Variants in FERMT1 observed in about 807,000 individuals in gnomAD.
FERMT1 encodes the protein FERM domain containing kindlin 1, also known as fermitin family homolog 1.
In FERMT1, 60 loss-of-function variants were observed where a neutral mutation model predicts 85.3. That is an observed-to-expected ratio of 0.70 (90% confidence interval 0.57 to 0.87). FERMT1 has a LOEUF of 0.87. Ranked by LOEUF, FERMT1 falls within the 40% of genes least tolerant of loss-of-function variation. The pLI, the probability that FERMT1 is intolerant of heterozygous loss-of-function variation, is 0.00. For missense variants in FERMT1, 701 were observed against 818.9 expected, an observed-to-expected ratio of 0.86 and a Z score of 1.76; for synonymous variants, 275 against 301.1, an observed-to-expected ratio of 0.91 and a Z score of 0.90.
chr20:6,087,274 C>T (rs776992406), intron 11 of FERMT1, among the ~76,000 whole-genome samples: 2 of 152,186 alleles, frequency 1.3e-5, no homozygotes, highest in South Asian at 4.1e-4. Context: ...AATCCCCAGC[C>T]TACCTTTCAG....
chr20:6,086,929 C>A (rs1000234913), intron 11 of FERMT1, among the ~76,000 whole-genome samples: 9 of 152,070 alleles, frequency 5.9e-5, no homozygotes, highest in Non-Finnish European at 1.2e-4. Context: ...GACTAATACA[C>A]CCCCCACCAC....
At chr20:6,081,561 T>C (rs1252972856) in intron 13 of FERMT1, among the ~76,000 whole-genome samples, 1 of 151,974 alleles carries the variant, frequency 6.6e-6, no homozygotes, top group Non-Finnish European at 1.5e-5. Context: ...TGACAGAAAG[T>C]AGCAGGGGCA....
intron 14 of FERMT1, 101 bp downstream of exon 14, chr20:6,079,335 G>A (rs1260686249): frequency 7.2e-6 from 9 of 1,256,924 alleles, no homozygotes; most frequent in Non-Finnish European, 1.0e-5. Flanking sequence ...GGTTTCTTAG[G>A]TCTAAATAGA....
intron 4 of FERMT1, 142 bp from the exon 5 acceptor site, chr20:6,110,653 C>T (rs1982922525): frequency 2.8e-6 from 2 of 717,060 alleles, no homozygotes; most frequent in Non-Finnish European, 4.9e-6. Context: ...AAGCTGGGCA[C>T]TGTGGCCCGC....
chr20:6,114,035 C>A (rs1983032920), intron 3 of FERMT1, among the ~76,000 whole-genome samples: 1 of 152,164 alleles, frequency 6.6e-6, no homozygotes, highest in African/African-American at 2.4e-5. Flanking sequence ...AGTTTCTGAG[C>A]AGCTTTGTTG....
At chr20:6,092,126 G>A (rs1379755836) in intron 9 of FERMT1, among the ~76,000 whole-genome samples, 1 of 152,020 alleles carries the variant, frequency 6.6e-6, no homozygotes, top group Non-Finnish European at 1.5e-5. Flanking sequence ...AGTTGGTTGT[G>A]GATATTCCCC....
chr20:6,097,491 C>T, intron 7 of FERMT1, 33 bp downstream of exon 7: 2 of 1,487,460 alleles, frequency 1.3e-6, no homozygotes, highest in Non-Finnish European at 1.9e-6. Context: ...TGGTTTGTCT[C>T]CTTCCAGAGA....
chr20:6,085,420 G>A (rs1269836965), intron 11 of FERMT1, 133 bp from the exon 12 acceptor site: 12 of 758,352 alleles, frequency 1.6e-5, no homozygotes, highest in South Asian at 3.0e-5. Flanking sequence ...AGTGGCACAC[G>A]TTGTGAGTGG....
intron 11 of FERMT1, 54 bp downstream of exon 11, chr20:6,087,723 G>C (rs1395917114): frequency 3.1e-6 from 3 of 976,988 alleles, no homozygotes; most frequent in Non-Finnish European, 5.0e-6. Flanking sequence ...TTTGGGTTTT[G>C]CTCTTAGGCT....
At chr20:6,078,882 A>G (rs556579270) in intron 14 of FERMT1, among the ~76,000 whole-genome samples, 220 of 152,216 alleles carry the variant, frequency 1.4e-3, no homozygotes, top group Non-Finnish European at 1.4e-3. Flanking sequence ...GCTGTAACAT[A>G]GGCTAGGGGT....
chr20:6,118,836 G>A (rs544412154), intron 2 of FERMT1, among the ~76,000 whole-genome samples: 1 of 152,214 alleles, frequency 6.6e-6, no homozygotes, highest in East Asian at 1.9e-4. Flanking sequence ...GTAGTCTAAT[G>A]CCAAGCTACT....
intron 10 of FERMT1, among the ~76,000 whole-genome samples, chr20:6,088,665 A>C (rs543702796): frequency 8.1e-5 from 11 of 135,884 alleles, no homozygotes; most frequent in Admixed American, 7.5e-4. Flanking sequence ...GTCTCACTCT[A>C]TCACCCAGGC....
At chr20:6,109,181 G>T (rs1470448251) in intron 5 of FERMT1, among the ~76,000 whole-genome samples, 1 of 152,188 alleles carries the variant, frequency 6.6e-6, no homozygotes, top group African/African-American at 2.4e-5. Flanking sequence ...TTGACAGTCT[G>T]CTGGGGGAGA....
intron 7 of FERMT1, 110 bp downstream of exon 7, chr20:6,097,414 C>T: frequency 1.2e-6 from 1 of 805,326 alleles, no homozygotes. Flanking sequence ...TCCTTATTTT[C>T]AGATATTTCT....
intron 3 of FERMT1, among the ~76,000 whole-genome samples, chr20:6,115,421 A>T (rs1983069393): frequency 6.6e-6 from 1 of 152,212 alleles, no homozygotes; most frequent in Non-Finnish European, 1.5e-5. Flanking sequence ...TTGGAACACC[A>T]TTATCTCAAA....
At chr20:6,111,898 C>T (rs1404651914) in intron 4 of FERMT1, among the ~76,000 whole-genome samples, 25 of 150,080 alleles carry the variant, frequency 1.7e-4, no homozygotes, top group African/African-American at 6.1e-4. Flanking sequence ...GGGTCTTGCT[C>T]TGTCACCCAG....
At chr20:6,119,300 G>A (rs983489092) in intron 2 of FERMT1, 104 bp downstream of exon 2, 1 of 1,155,294 alleles carries the variant, frequency 8.7e-7, no homozygotes, top group Non-Finnish European at 1.3e-6. Flanking sequence ...TGCTCTCCAG[G>A]GCATTACAAG....
rs1161003417 is a variant in FERMT1 at position 6,110,487 on chromosome 20, G to A, written c.557C>T (p.Thr186Ile). The change falls in exon 5 of 15, where the codon ACC becomes ATC. Residue 186 changes from threonine (T) to isoleucine (I), a missense_variant. Coordinates refer to ENST00000217289, the MANE Select transcript of FERMT1 (RefSeq NM_017671.5). The part of the protein sequence containing the change: ...SSVSPGLYSK[T>I]MTPIYDPING... The stretch of plus-strand genomic sequence containing the variant: ...GATGGGGTCATATATAGGGGTCATG[G>A]TTTTACTGTATAAACCAGGACTTAC... The A allele has an allele frequency of 2.5e-6, 4 of 1,614,128 alleles. No individual in the cohort carries two copies. In the South Asian group the frequency reaches 4.4e-5, roughly 18 times the overall value.
chr20:6,121,518 C>T (rs1415292016), intron 1 of FERMT1, among the ~76,000 whole-genome samples: 2 of 152,268 alleles, frequency 1.3e-5, no homozygotes, highest in Non-Finnish European at 2.9e-5. Flanking sequence ...AGGAGTGCCA[C>T]TCAGTGACTG....
Sources: allele counts gnomAD v4.1 joint callset (sites outside exome capture counted in the v4.1 genomes callset), GRCh38; gene constraint gnomAD v4.1.1; transcripts MANE v1.5; gene names NCBI Gene and HGNC (gene_info 2026-07-23, HGNC 2026-07-21).